Variants in LYPD6B observed in about 807,000 individuals in gnomAD.
LYPD6B encodes the protein ly6/PLAUR domain-containing protein 6B.
In LYPD6B, 17 loss-of-function variants were observed where a neutral mutation model predicts 22.8. The ratio of observed to expected loss-of-function variants is 0.75; its 90% confidence interval spans 0.51 to 1.12. The LOEUF (loss-of-function observed/expected upper bound fraction) is 1.12. LYPD6B is among the 50% of genes most tolerant of loss of function. LYPD6B has a pLI of 0.00. For missense variants in LYPD6B, 221 were observed against 258.3 expected, an observed-to-expected ratio of 0.86 and a Z score of 0.99; for synonymous variants, 106 against 91.6, an observed-to-expected ratio of 1.16 and a Z score of -0.90.
chr2:149,143,905 T>G (rs533627838), intron 2 of LYPD6B: 1 of 152,244 alleles, frequency 6.6e-6, no homozygotes. Context: ...GATTCTGTGG[T>G]TTTTCTAAGT....
chr2:149,142,029 A>G (rs865791460), intron 2 of LYPD6B: 3 of 152,344 alleles, frequency 2.0e-5, no homozygotes, highest in Middle Eastern at 6.8e-3. Flanking sequence ...GATAACATCG[A>G]GACTTGGTCT....
intron 1 of LYPD6B, among the ~76,000 whole-genome samples, chr2:149,114,795 G>A (rs1026434918): frequency 1.3e-5 from 2 of 152,118 alleles, no homozygotes; most frequent in Non-Finnish European, 2.9e-5. Context: ...AGAAAATCAT[G>A]TAATATTCTA....
At chr2:149,177,674 G>T (rs1691409097) in intron 3 of LYPD6B, among the ~76,000 whole-genome samples, 1 of 152,152 alleles carries the variant, frequency 6.6e-6, no homozygotes, top group Non-Finnish European at 1.5e-5. Context: ...CCTGCCAGGT[G>T]CTTCTTCATT....
chr2:149,099,428 TGTACCTAGGATCCTTGGTCCCCTC>T (rs547342671), intron 1 of LYPD6B, among the ~76,000 whole-genome samples: 6 of 140,368 alleles, frequency 4.3e-5, no homozygotes, highest in Non-Finnish European at 1.6e-5. Context: ...CTAGGATCCT[TGTACCTAGGATCCTTGGTCCCCTC>T]GTACCTAGGA....
In LYPD6B at chr2:149,208,393, A is replaced by G; in HGVS notation, c.309A>G (p.Glu103=). Residue 103 remains glutamate (E), a synonymous_variant, in exon 5 of 7, where the codon GAA becomes GAG. Transcript: ENST00000409642. ...GDNYNCNRWA[E]DKWCPQNTQY... ...ATTATAACTGCAATCGATGGGCAGAAGACAAATGGTGTCCACAAAGTAAGT... is the reference window on the plus strand; with the variant it reads ...ATTATAACTGCAATCGATGGGCAGAGGACAAATGGTGTCCACAAAGTAAGT... 2 of 1,613,460 alleles carry G rather than the reference A, an allele frequency of 1.2e-6. No individual in the cohort carries two copies. The highest frequency in any genetic ancestry group is 1.7e-6 in the Non-Finnish European group (2 of 1,179,402).
chr2:149,059,725 A>G (rs1683984142), intron 1 of LYPD6B, among the ~76,000 whole-genome samples: 1 of 152,184 alleles, frequency 6.6e-6, no homozygotes, highest in Non-Finnish European at 1.5e-5. Context: ...CATGCTCTCA[A>G]GGGGCTTTCA....
chr2:149,083,557 A>G (rs1685238419), intron 1 of LYPD6B, among the ~76,000 whole-genome samples: 2 of 152,088 alleles, frequency 1.3e-5, no homozygotes, highest in Admixed American at 1.3e-4. Context: ...AACGCCCCAC[A>G]TTATGGGTTT....
Position 149,123,009 on chromosome 2 carries a change from T to G in LYPD6B, c.-66-7874T>G, listed in dbSNP as rs539353700. Among the ~76,000 whole-genome samples, 7 of 152,224 alleles carry G rather than the reference T, an allele frequency of 4.6e-5. No homozygotes were observed. In the South Asian group the frequency reaches 1.5e-3, roughly 32 times the overall value. The stretch of plus-strand genomic sequence containing the variant: ...TTCTTAAGAAAAAATCACGGTAGAT[T>G]TAGTTTGATCCCAGAGCACTGTTTA... On this transcript the variant is annotated intron_variant, in intron 1 of 6. Transcript: ENST00000409642.
intron 1 of LYPD6B, among the ~76,000 whole-genome samples, chr2:149,085,242 G>C (rs114604243): frequency 2.6e-5 from 4 of 152,180 alleles, no homozygotes; most frequent in African/African-American, 9.7e-5. Context: ...TGTGTTTGCA[G>C]TCCATGGGCC....
intron 1 of LYPD6B, among the ~76,000 whole-genome samples, chr2:149,073,056 T>G (rs528878094): frequency 6.6e-6 from 1 of 152,300 alleles, no homozygotes; most frequent in African/African-American, 2.4e-5. Context: ...GGGGGAATGG[T>G]AAGAGGTGAT....
intron 1 of LYPD6B, among the ~76,000 whole-genome samples, chr2:149,041,351 AAAG>A (rs1387743035): frequency 2.0e-5 from 3 of 152,188 alleles, no homozygotes; most frequent in African/African-American, 7.2e-5. Flanking sequence ...AAAGCAGAAA[AAAG>A]AAGGCCGGGG....
chr2:149,184,880 G>A (rs1030726000), intron 3 of LYPD6B, among the ~76,000 whole-genome samples: 1 of 152,212 alleles, frequency 6.6e-6, no homozygotes, highest in Non-Finnish European at 1.5e-5. Flanking sequence ...AATGTAGTAC[G>A]CGATAGGCAT....
In LYPD6B at chr2:149,214,929, T is replaced by C. The variant is rs772017980; in HGVS notation, c.*219T>C. ...GCAGGGCCTGAGAAGATGGTCTGAC[T>C]TCCAGGCTTCCTGGTCAAAGAGAGC... is the stretch of plus-strand genomic sequence containing the variant. On this transcript the variant is annotated 3_prime_UTR_variant, in exon 7 of 7. Transcript: ENST00000409642. The C allele has an allele frequency of 1.8e-6, 1 of 559,008 alleles. No individual in the cohort carries two copies. Among genetic ancestry groups the C allele is most frequent in the Non-Finnish European group, 3.2e-6 (1 of 313,506 alleles). The allele number at this position is 559,008 out of a possible 1,614,324, so 34.6% of individuals were successfully genotyped here.
chr2:149,199,653 A>C (rs1575168187), intron 3 of LYPD6B, among the ~76,000 whole-genome samples: 1 of 152,222 alleles, frequency 6.6e-6, no homozygotes, highest in South Asian at 2.1e-4. Context: ...TTGTAAGCTC[A>C]ACTTCTCTCT....
intron 1 of LYPD6B, among the ~76,000 whole-genome samples, chr2:149,066,061 T>G (rs1310744333): frequency 2.6e-5 from 4 of 152,154 alleles, no homozygotes; most frequent in African/African-American, 9.7e-5. Flanking sequence ...TGGGCTGTAG[T>G]TCAGTGGCCC....
At chr2:149,203,418 T>G (rs1358829073) in intron 3 of LYPD6B, among the ~76,000 whole-genome samples, 1 of 152,150 alleles carries the variant, frequency 6.6e-6, no homozygotes, top group Non-Finnish European at 1.5e-5. Flanking sequence ...AAGAAGGGTA[T>G]AATAATGACT....
At chr2:149,209,143 T>A (rs1264989994) in intron 5 of LYPD6B, among the ~76,000 whole-genome samples, 2 of 152,182 alleles carry the variant, frequency 1.3e-5, no homozygotes, top group Admixed American at 1.3e-4. Flanking sequence ...CAGGAGCTTC[T>A]TTTTTCTAAT....
intron 3 of LYPD6B, among the ~76,000 whole-genome samples, chr2:149,201,308 C>A (rs1311178541): frequency 2.0e-5 from 3 of 152,154 alleles, no homozygotes; most frequent in Admixed American, 2.0e-4. Flanking sequence ...TAACACTGCT[C>A]TATGTGATGG....
chr2:149,116,203 A>G (rs1686999629), intron 1 of LYPD6B, among the ~76,000 whole-genome samples: 2 of 152,184 alleles, frequency 1.3e-5, no homozygotes. Flanking sequence ...GTTCTATTTA[A>G]TTATTGCTTT....
Sources: allele counts gnomAD v4.1 joint callset (sites outside exome capture counted in the v4.1 genomes callset), GRCh38; gene constraint gnomAD v4.1.1; transcripts MANE v1.5; gene names NCBI Gene and HGNC (gene_info 2026-07-23, HGNC 2026-07-21).